ZNF423: variants seen among roughly 807,000 people sequenced by gnomAD.
ZNF423 encodes Ebf-associated zinc finger protein.
A neutral mutation model predicts 95.8 loss-of-function variants in ZNF423; 12 were observed. The ratio of observed to expected loss-of-function variants is 0.13; its 90% CI spans 0.08 to 0.20. ZNF423 has a LOEUF of 0.20. ZNF423 is among the 10% of genes least tolerant of loss of function. The pLI is 1.00. For synonymous variants in ZNF423, 749 were observed against 711.9 expected (o/e 1.05, Z -0.83); for missense variants, 1,316 against 1,737.1 (o/e 0.76, Z 4.31).
chr16:49,651,800 G>C (rs1455068890), intron 3 of ZNF423, among the ~76,000 whole-genome samples: 1 of 152,218 alleles, frequency 6.6e-6, no homozygotes, highest in East Asian at 1.9e-4. Context: ...CACAGGACAA[G>C]GAGAGGCTGG....
chr16:49,560,173 G>A (rs537201228), intron 5 of ZNF423, among the ~76,000 whole-genome samples: 3 of 152,284 alleles, frequency 2.0e-5, no homozygotes, highest in South Asian at 4.2e-4. Flanking sequence ...TCACGGCAGT[G>A]ACGACAGCTG....
At chr16:49,519,626 C>A (rs1968304106) in intron 7 of ZNF423, among the ~76,000 whole-genome samples, 1 of 152,184 alleles carries the variant, frequency 6.6e-6, no homozygotes, top group Non-Finnish European at 1.5e-5. Flanking sequence ...AGTCTGGATA[C>A]AAGTGCTTTA....
intron 1 of ZNF423, among the ~76,000 whole-genome samples, chr16:49,796,181 G>A (rs901340123): frequency 2.0e-5 from 3 of 152,108 alleles, no homozygotes; most frequent in African/African-American, 7.2e-5. Flanking sequence ...CACAGCAGGT[G>A]CATAAGTAGC....
intron 3 of ZNF423, among the ~76,000 whole-genome samples, chr16:49,686,919 A>G (rs1321729800): frequency 6.6e-6 from 1 of 151,028 alleles, no homozygotes; most frequent in Non-Finnish European, 1.5e-5. Flanking sequence ...TCCCCATCCC[A>G]CCTTGGATCG....
intron 3 of ZNF423, among the ~76,000 whole-genome samples, chr16:49,705,345 G>A (rs1206792088): frequency 5.3e-5 from 8 of 152,162 alleles, no homozygotes; most frequent in African/African-American, 1.9e-4. Flanking sequence ...ACAGTATAAA[G>A]CCGATTAAAA....
intron 5 of ZNF423, among the ~76,000 whole-genome samples, chr16:49,580,469 C>T (rs1458516016): frequency 6.6e-6 from 1 of 152,222 alleles, no homozygotes; most frequent in Non-Finnish European, 1.5e-5. Context: ...CAGAGCCCAG[C>T]AAAGCGCCTG....
chr16:49,843,772 TC>T (rs2035215356), intron 1 of ZNF423, among the ~76,000 whole-genome samples: 1 of 151,474 alleles, frequency 6.6e-6, no homozygotes, highest in African/African-American at 2.4e-5. Context: ...ACATCCCATT[TC>T]CCCCTCCCGC....
At chr16:49,815,881 AATATATATATAT>A (rs1169322824) in intron 1 of ZNF423, among the ~76,000 whole-genome samples, 22 of 47,608 alleles carry the variant, frequency 4.6e-4, no homozygotes, top group South Asian at 1.8e-3. Context: ...AAAAAAAAAA[AATATATATATAT>A]ATATATATAT....
intron 5 of ZNF423, among the ~76,000 whole-genome samples, chr16:49,535,213 C>A (rs927329806): frequency 3.3e-5 from 5 of 152,234 alleles, no homozygotes; most frequent in Admixed American, 6.5e-5. Flanking sequence ...CCAGTGGAGG[C>A]TCCTTCCAGC....
At chr16:49,558,941 C>CAGTA (rs1477555657) in intron 5 of ZNF423, among the ~76,000 whole-genome samples, 9 of 152,218 alleles carry the variant, frequency 5.9e-5, no homozygotes, top group African/African-American at 2.2e-4. Flanking sequence ...CAGAACCACT[C>CAGTA]AGTAAGGGGG....
intron 1 of ZNF423, among the ~76,000 whole-genome samples, chr16:49,790,319 C>A (rs2034391651): frequency 6.6e-6 from 1 of 152,244 alleles, no homozygotes; most frequent in Non-Finnish European, 1.5e-5. Context: ...CATGAACCAC[C>A]CAGTTCTCTC....
chr16:49,713,761 T>C (rs896882943), intron 3 of ZNF423, among the ~76,000 whole-genome samples: 3 of 152,154 alleles, frequency 2.0e-5, no homozygotes, highest in Admixed American at 2.0e-4. Context: ...GAGACTGTGA[T>C]AAAAAGGCAT....
At chr16:49,606,946 G>A (rs181327240) in intron 5 of ZNF423, among the ~76,000 whole-genome samples, 12 of 152,240 alleles carry the variant, frequency 7.9e-5, no homozygotes, top group East Asian at 1.9e-4. Context: ...GAGGTCACCA[G>A]GAGAAAGAAA....
At position 49,492,471 on chromosome 16, in the gene ZNF423, G is replaced by A. The variant is rs569328744; in HGVS notation, c.3850-1167C>T. ...ATGCCAGTAGCCTCGCCCGGAGGCC[G>A]AGGCCGGGGCCGGGGCCGGGGCCGG... On this transcript the variant is annotated intron_variant, in intron 7 of 7. Coordinates refer to ENST00000563137, the MANE Select transcript of ZNF423 (RefSeq NM_001379286.1). This position sits in a 1 kb window ranked among gnomAD's most constrained non-coding sequence, Gnocchi z 4.2. Among the ~76,000 whole-genome samples the A allele has an allele frequency of 6.6e-6, 1 of 151,238 alleles. No individual in the cohort carries two copies. Among genetic ancestry groups the A allele is most frequent in the African/African-American group, 2.5e-5 (1 of 40,622 alleles).
chr16:49,669,793 C>T (rs961736336), intron 3 of ZNF423, among the ~76,000 whole-genome samples: 8 of 152,158 alleles, frequency 5.3e-5, no homozygotes, highest in African/African-American at 1.7e-4. Flanking sequence ...CTCCTGCTTC[C>T]CTACTCCAGA....
At chr16:49,548,712 C>T (rs991960749) in intron 5 of ZNF423, among the ~76,000 whole-genome samples, 35 of 152,128 alleles carry the variant, frequency 2.3e-4, no homozygotes, top group Admixed American at 1.4e-3. Context: ...CCCCTGACAT[C>T]GAACCAATGA....
At chr16:49,777,116 G>A (rs921410772) in intron 2 of ZNF423, among the ~76,000 whole-genome samples, 1 of 152,214 alleles carries the variant, frequency 6.6e-6, no homozygotes, top group African/African-American at 2.4e-5. Flanking sequence ...TGTGTCTGCA[G>A]GCATCTGTGT....
intron 2 of ZNF423, among the ~76,000 whole-genome samples, chr16:49,787,134 G>A (rs555285500): frequency 2.1e-4 from 32 of 152,214 alleles, no homozygotes; most frequent in African/African-American, 7.0e-4. Context: ...CATCGCCCAC[G>A]TCCAGGGCTA....
Position 49,637,074 on chromosome 16 carries a change from A to T in ZNF423, c.2102T>A (p.Val701Glu). 6.2e-7 allele frequency: 1 copy of T among 1,613,752 alleles called. No individual in the cohort carries two copies. Among genetic ancestry groups the T allele is most frequent in the South Asian group, 1.1e-5 (1 of 91,072 alleles). The change falls in exon 4 of 8, where the codon GTG becomes GAG. Residue 701 changes from valine to glutamate, a missense_variant. Val to Glu is a moderately radical substitution (Grantham distance 121). Transcript: ENST00000563137. This position sits in a 1 kb window ranked among gnomAD's most constrained non-coding sequence, Gnocchi z 5.6. ...VHYMTTSTHY[V>E]CESCDKQFSS... ...AAATTGCTTGTCGCAGCTCTCGCAC[A>T]CATAGTGGGTCGACGTGGTCATGTA... is the stretch of plus-strand genomic sequence containing the variant.
Sources: gnomAD v4.1 joint callset for allele counts (sites outside exome capture counted in the v4.1 genomes callset) on GRCh38, gnomAD v4.1.1 for gene constraint, Gnocchi (gnomAD v3.1) non-coding constraint, MANE v1.5 for transcripts, NCBI Gene and HGNC (gene_info 2026-07-23, HGNC 2026-07-21) for gene names.